E2F7: variants seen among roughly 807,000 people sequenced by gnomAD.
E2F7 encodes the protein transcription factor E2F7.
E2F7 carries 35 observed loss-of-function variants against 81.1 expected under a neutral mutation model. That is an observed-to-expected ratio of 0.43 (90% CI 0.33 to 0.57). The LOEUF (loss-of-function observed/expected upper bound fraction) is 0.57. E2F7 is among the 20% of genes least tolerant of loss of function. E2F7 has a pLI of 0.04. For missense variants in E2F7, 961 were observed against 1,093.7 expected (o/e 0.88, Z 1.71); for synonymous variants, 416 against 416.2 (o/e 1.00, Z 0.01).
intron 9 of E2F7, 103 bp downstream of exon 9, chr12:77,032,947 G>T (rs996267813): frequency 2.0e-6 from 2 of 1,022,898 alleles, no homozygotes; most frequent in African/African-American, 1.6e-5. Context: ...CAAATAAACG[G>T]CTGACCTAAA....
chr12:77,026,540 G>A (rs184996334), intron 11 of E2F7, among the ~76,000 whole-genome samples: 3 of 152,156 alleles, frequency 2.0e-5, no homozygotes, highest in Admixed American at 6.5e-5. Flanking sequence ...GGGCTCAAGT[G>A]ATCTTCCTAC....
intron 7 of E2F7, among the ~76,000 whole-genome samples, chr12:77,035,322 A>G (rs914567173): frequency 2.0e-5 from 3 of 152,122 alleles, no homozygotes; most frequent in African/African-American, 7.2e-5. Flanking sequence ...TCCAAACTGA[A>G]CCTTCAGTGG....
chr12:77,053,924 G>A (rs1482062102), intron 3 of E2F7, among the ~76,000 whole-genome samples: 1 of 152,106 alleles, frequency 6.6e-6, no homozygotes. Flanking sequence ...TGGTGTTAAA[G>A]GTACTGCAAA....
intron 4 of E2F7, among the ~76,000 whole-genome samples, chr12:77,050,043 C>T (rs528087921): frequency 6.3e-4 from 96 of 152,282 alleles, no homozygotes; most frequent in African/African-American, 2.0e-3. Flanking sequence ...CGTGCACACA[C>T]GGATTCTTCT....
intron 2 of E2F7, 102 bp from the exon 3 acceptor site, chr12:77,056,232 G>A (rs1403168096): frequency 8.2e-7 from 1 of 1,224,376 alleles, no homozygotes; most frequent in Non-Finnish European, 1.1e-6. Context: ...AATACAAATA[G>A]GACCATATGT....
At chr12:77,024,514 T>C (rs1456306602) in intron 12 of E2F7, among the ~76,000 whole-genome samples, 1 of 152,170 alleles carries the variant, frequency 6.6e-6, no homozygotes, top group East Asian at 1.9e-4. Flanking sequence ...GATGGTAAAA[T>C]TACTGACTTC....
intron 6 of E2F7, chr12:77,044,414 C>G (rs750166254): frequency 1.7e-6 from 1 of 593,374 alleles, no homozygotes; most frequent in Non-Finnish European, 3.0e-6. Context: ...CTGTTTTTCA[C>G]TCTACTGAAA....
Position 77,056,133 on chromosome 12 carries a change from A to T in E2F7, c.94-3T>A. The T allele has an allele frequency of 6.3e-7, 1 of 1,584,626 alleles. No homozygotes were observed. Among genetic ancestry groups the T allele is most frequent in the East Asian group, 2.2e-5 (1 of 44,764 alleles). Reference sequence around the variant, plus strand: ...GATCGATCAACAAATATATTTTCCTATTTTAAAAAAGAAACTTTTAGCAAG... The same window carrying T: ...GATCGATCAACAAATATATTTTCCTTTTTTAAAAAAGAAACTTTTAGCAAG... On this transcript the variant is annotated splice_region_variant and splice_polypyrimidine_tract_variant and intron_variant, in intron 2 of 12. Transcript: ENST00000322886.
chr12:77,061,517 C>T (rs916693805), intron 2 of E2F7, among the ~76,000 whole-genome samples: 2 of 152,190 alleles, frequency 1.3e-5, no homozygotes, highest in Non-Finnish European at 2.9e-5. Flanking sequence ...GCCTCTTTGG[C>T]CCAGACTGTT....
At chr12:77,052,696 A>G (rs183932360) in intron 3 of E2F7, among the ~76,000 whole-genome samples, 373 of 152,316 alleles carry the variant, frequency 2.4e-3, no homozygotes, top group African/African-American at 8.0e-3. Context: ...ATTAAACTTA[A>G]GAACTTTTGT....
intron 6 of E2F7, among the ~76,000 whole-genome samples, chr12:77,043,783 G>T (rs1441662497): frequency 6.6e-6 from 1 of 152,182 alleles, no homozygotes; most frequent in Admixed American, 6.5e-5. Flanking sequence ...ATCTTAAGTG[G>T]CTTTGGGAGA....
At chr12:77,065,145 G>A (rs1955108921) in intron 1 of E2F7, among the ~76,000 whole-genome samples, 200 bp downstream of exon 1, 2 of 152,180 alleles carry the variant, frequency 1.3e-5, no homozygotes, top group Non-Finnish European at 2.9e-5. Flanking sequence ...AAGTTGTGGG[G>A]AAGGGCAAAT....
At position 77,023,891 on chromosome 12, in the gene E2F7, A is replaced by T; in HGVS notation, c.*124T>A. 1.7e-6 allele frequency: 2 copies of T among 1,181,012 alleles called. No homozygotes were observed. The highest frequency in any genetic ancestry group is 2.4e-6 in the Non-Finnish European group (2 of 841,032). The allele number at this position is 1,181,012 out of a possible 1,614,324, so 73.2% of individuals were successfully genotyped here. A position where few individuals can be genotyped will look rare whatever the true frequency, so the allele number is the denominator to read the frequency against. ...AGATGATTGATGGTGGTGGGAAGTTAACAGAAGTGTGGATGAAAGAGAGAG... is the reference window on the plus strand; with the variant it reads ...AGATGATTGATGGTGGTGGGAAGTTTACAGAAGTGTGGATGAAAGAGAGAG... On this transcript the variant is annotated 3_prime_UTR_variant, in exon 13 of 13. Coordinates refer to ENST00000322886, the MANE Select transcript of E2F7 (RefSeq NM_203394.3).
At chr12:77,027,556 G>C (rs1043840556) in intron 11 of E2F7, among the ~76,000 whole-genome samples, 2 of 152,174 alleles carry the variant, frequency 1.3e-5, no homozygotes. Flanking sequence ...CAAAACACTA[G>C]CTGCATGCAA....
At chr12:77,064,695 A>G (rs1955103659) in intron 1 of E2F7, 60 bp from the exon 2 acceptor site, 1 of 1,373,640 alleles carries the variant, frequency 7.3e-7, no homozygotes, top group African/African-American at 1.4e-5. Flanking sequence ...TCCTCAAACA[A>G]AAATATCTAC....
chr12:77,054,533 G>A (rs1369152098), intron 3 of E2F7, among the ~76,000 whole-genome samples: 1 of 152,144 alleles, frequency 6.6e-6, no homozygotes, highest in East Asian at 1.9e-4. Context: ...TTAAAAGAAA[G>A]TCTGTTTTAA....
chr12:77,045,681 C>G, intron 5 of E2F7: 1 of 203,226 alleles, frequency 4.9e-6, no homozygotes, highest in Non-Finnish European at 1.0e-5. Flanking sequence ...TAAGTCTACT[C>G]CAGTATATAA....
intron 7 of E2F7, among the ~76,000 whole-genome samples, chr12:77,040,516 T>C (rs1954886134): frequency 6.6e-6 from 1 of 152,228 alleles, no homozygotes; most frequent in African/African-American, 2.4e-5. Context: ...GGAAACACCC[T>C]GAGTACCGAC....
At chr12:77,047,744 C>G (rs972003299) in intron 4 of E2F7, among the ~76,000 whole-genome samples, 5 of 152,182 alleles carry the variant, frequency 3.3e-5, no homozygotes, top group African/African-American at 1.2e-4. Flanking sequence ...CAGCTCATGA[C>G]CCTGAAAGGC....
Sources: allele counts gnomAD v4.1 joint callset (sites outside exome capture counted in the v4.1 genomes callset), GRCh38; gene constraint gnomAD v4.1.1; transcripts MANE v1.5; gene names NCBI Gene and HGNC (gene_info 2026-07-23, HGNC 2026-07-21).